Variants in ACVRL1 observed in about 807,000 individuals in gnomAD.
ACVRL1 encodes activin receptor type-1-like.
ACVRL1 carries 20 observed loss-of-function variants against 51.9 expected under a neutral mutation model. That is an observed-to-expected ratio of 0.39 (90% CI 0.27 to 0.56). The LOEUF (loss-of-function observed/expected upper bound fraction) is 0.56, where lower values mean the gene tolerates loss of function less well. Ranked by LOEUF, ACVRL1 falls within the 20% of genes least tolerant of loss-of-function variation. ACVRL1 has a pLI of 0.67. For missense variants in ACVRL1, 451 were observed against 670.3 expected, an observed-to-expected ratio of 0.67 and a Z score of 3.61; for synonymous variants, 288 against 280.9, an observed-to-expected ratio of 1.03 and a Z score of -0.25.
chr12:51,915,672 C>G (rs762138222), intron 7 of ACVRL1, 172 bp downstream of exon 7: 2 of 929,092 alleles, frequency 2.2e-6, no homozygotes, highest in Non-Finnish European at 3.1e-6. Flanking sequence ...CCTTTTCAAA[C>G]CCAGATTCCT....
rs766154423 is a variant in ACVRL1, at chr12:51,913,755, C to T, written c.510C>T (p.Gly170=). 23 of 1,611,508 alleles carry T rather than the reference C, an allele frequency of 1.4e-5. No individual in the cohort carries two copies. The Admixed American group carries it at 2.0e-4, about 14-fold the overall frequency. Residue 170 remains glycine, a synonymous_variant, in exon 4 of 10, where the codon GGC becomes GGT. Coordinates refer to ENST00000388922, the MANE Select transcript of ACVRL1 (RefSeq NM_000020.3). ...TCATCCTGAAAGCATCTGAGCAGGGCGACAGCATGTTGGGGGTATGGGCCT... is the reference window on the plus strand; with the variant it reads ...TCATCCTGAAAGCATCTGAGCAGGGTGACAGCATGTTGGGGGTATGGGCCT... ...SSLILKASEQ[G]DSMLGDLLDS... is the part of the protein sequence containing the mutation.
intron 7 of ACVRL1, 181 bp downstream of exon 7, chr12:51,915,681 C>T: frequency 3.5e-6 from 3 of 865,624 alleles, no homozygotes; most frequent in Non-Finnish European, 5.2e-6. Context: ...ACCCAGATTC[C>T]TTCCACCATA....
intron 1 of ACVRL1, among the ~76,000 whole-genome samples, chr12:51,908,139 T>A (rs994547129): frequency 1.3e-5 from 2 of 152,222 alleles, no homozygotes; most frequent in African/African-American, 4.8e-5. Context: ...CAGCTGTTGC[T>A]TGAGGAATCT....
intron 7 of ACVRL1, 136 bp from the exon 8 acceptor site, chr12:51,915,900 C>G (rs1940826451): frequency 2.1e-6 from 2 of 956,938 alleles, no homozygotes; most frequent in Non-Finnish European, 3.1e-6. Context: ...TGGCCACTGC[C>G]TTCCAGCCCA....
intron 6 of ACVRL1, 55 bp downstream of exon 6, chr12:51,914,640 G>A: frequency 2.5e-6 from 4 of 1,571,612 alleles, no homozygotes; most frequent in East Asian, 4.7e-5. Flanking sequence ...CTGCACTCAG[G>A]GCTCAAGTTT....
chr12:51,920,519 T>G (rs1940948422), intron 9 of ACVRL1, among the ~76,000 whole-genome samples: 1 of 152,144 alleles, frequency 6.6e-6, no homozygotes, highest in Non-Finnish European at 1.5e-5. Context: ...TTTATTTTTT[T>G]GTCATCCTCT....
chr12:51,920,939 T>TGGG lies in ACVRL1; in HGVS notation c.*50_*52dup. On this transcript the variant is annotated 3_prime_UTR_variant, in exon 10 of 10. Transcript: ENST00000388922. ...TTCTGCCTGCAGGGGGCTGGGGGGG[T>TGGG]GGGGGGCAGTGGATGGTGCCCTATC... is the stretch of plus-strand genomic sequence containing the variant. The TGGG allele has an allele frequency of 1.1e-5, 3 of 262,664 alleles. No homozygotes were observed. Among genetic ancestry groups the TGGG allele is most frequent in the Admixed American group, 4.4e-5 (1 of 22,636 alleles). 16.3% of individuals were successfully genotyped at this position (262,664 alleles called of 1,614,324 possible). A position where few individuals can be genotyped will look rare whatever the true frequency, so the allele number is the denominator to read the frequency against.
rs563588804 is a variant in ACVRL1, at chr12:51,907,942, G to A, written c.-6+247G>A. Among the ~76,000 whole-genome samples, 1 of 152,298 alleles carries A rather than the reference G, an allele frequency of 6.6e-6. No individual in the cohort carries two copies. Among genetic ancestry groups the A allele is most frequent in the East Asian group, 1.9e-4 (1 of 5,182 alleles). ...ACTTGGTTCTAGTCGGGTGACCTGG[G>A]GTCAGTGACTTCACTTCTCTGTTCT... is the stretch of plus-strand genomic sequence containing the variant. On this transcript the variant is annotated intron_variant, in intron 1 of 9. Coordinates refer to ENST00000388922, the MANE Select transcript of ACVRL1 (RefSeq NM_000020.3). This position sits in a 1 kb window ranked among gnomAD's most constrained non-coding sequence, Gnocchi z 4.5.
intron 5 of ACVRL1, 84 bp from the exon 6 acceptor site, chr12:51,914,355 A>G: frequency 6.3e-7 from 1 of 1,590,130 alleles, no homozygotes; most frequent in South Asian, 1.1e-5. Flanking sequence ...TGGGCGAGGG[A>G]GGCAGCGCAG....
At position 51,922,911 on chromosome 12, in the gene ACVRL1, T is replaced by G. The variant is rs1275363717; in HGVS notation, c.*2018T>G. ...TCGGAAGAGAACCAGGAAGTGAAAC[T>G]GGGTGAAAACAGAAAGCTCAATGGA... On this transcript the variant is annotated 3_prime_UTR_variant, in exon 10 of 10. Transcript: ENST00000388922. The G allele has an allele frequency of 1.3e-5, 2 of 152,632 alleles. No homozygotes were observed. The highest frequency in any genetic ancestry group is 4.8e-5 in the African/African-American group (2 of 41,428). The allele number at this position is 152,632 out of a possible 1,614,324, so 9.5% of individuals were successfully genotyped here.
rs1940995814 is a variant in ACVRL1 at position 51,922,140 on chromosome 12, T to G, written c.*1247T>G. On this transcript the variant is annotated 3_prime_UTR_variant, in exon 10 of 10. Coordinates refer to ENST00000388922, the MANE Select transcript of ACVRL1 (RefSeq NM_000020.3). Reference sequence around the variant, plus strand: ...TCAGCCTATATCACAGCTAACTTCTTCAGTCTCATCTATTCCTTATGCTCC... The same window carrying G: ...TCAGCCTATATCACAGCTAACTTCTGCAGTCTCATCTATTCCTTATGCTCC... 2 of 152,220 alleles carry G rather than the reference T, an allele frequency of 1.3e-5. No homozygotes were observed. The highest frequency in any genetic ancestry group is 4.8e-5 in the African/African-American group (2 of 41,434). The allele number at this position is 152,220 out of a possible 1,614,324, so 9.4% of individuals were successfully genotyped here.
chr12:51,909,880 T>G (rs547115729), intron 1 of ACVRL1, among the ~76,000 whole-genome samples: 55 of 152,356 alleles, frequency 3.6e-4, no homozygotes, highest in African/African-American at 1.1e-3. Context: ...AGCTAACGTT[T>G]GAAATTAGTT....
rs1284646291 is a variant in ACVRL1 at position 51,917,170 on chromosome 12, G to A, written c.1246+937G>A. Among the ~76,000 whole-genome samples, 1 of 152,160 alleles carries A rather than the reference G, an allele frequency of 6.6e-6. No individual in the cohort carries two copies. The highest frequency in any genetic ancestry group is 1.9e-4 in the East Asian group (1 of 5,196). The stretch of plus-strand genomic sequence containing the variant: ...GAGACGGGGGCACAGAATGACAGTG[G>A]GCTTGAGGCAGCATCAGGGTCCGAA... On this transcript the variant is annotated intron_variant, in intron 8 of 9. Transcript: ENST00000388922. The surrounding 1 kb of genome is among the most constrained non-coding windows in gnomAD (Gnocchi z 4.2).
At chr12:51,918,023 A>C (rs1379007664) in intron 8 of ACVRL1, among the ~76,000 whole-genome samples, 3 of 152,196 alleles carry the variant, frequency 2.0e-5, no homozygotes, top group Non-Finnish European at 4.4e-5. Context: ...CCATGGGGAG[A>C]ACAGCTGGCG....
Position 51,912,526 on chromosome 12 carries a change from G to A in ACVRL1, c.52G>A (p.Val18Met), listed in dbSNP as rs762998725. 4.3e-6 allele frequency: 7 copies of A among 1,613,086 alleles called. No homozygotes were observed. Among genetic ancestry groups the A allele is most frequent in the East Asian group, 4.5e-5 (2 of 44,876 alleles). Reference protein sequence around the residue: ...KGLLMLLMALVTQGDPVKPSR... With the variant: ...KGLLMLLMALMTQGDPVKPSR... ...CCTTCTGATGCTGCTGATGGCCTTG[G>A]TGACCCAGGGTGAGTACTGGGGGAG... The change falls in exon 2 of 10, where the codon GTG (valine) becomes ATG (methionine). Residue 18 changes from valine (V) to methionine (M), a missense_variant. Transcript: ENST00000388922.
At chr12:51,913,893 C>T in intron 4 of ACVRL1, 81 bp from the exon 5 acceptor site, 2 of 1,569,682 alleles carry the variant, frequency 1.3e-6, no homozygotes, top group Non-Finnish European at 1.7e-6. Context: ...TTGCAGTGAC[C>T]CAGCAGGTCC....
At chr12:51,912,430 T>C (rs1302996285) in intron 1 of ACVRL1, 40 bp from the exon 2 acceptor site, 1 of 1,609,878 alleles carries the variant, frequency 6.2e-7, no homozygotes, top group Non-Finnish European at 8.5e-7. Context: ...GCTGTCACAC[T>C]TCATGGCTCT....
chr12:51,916,283 G>A lies in ACVRL1; in HGVS notation c.1246+50G>A, dbSNP rs993232898. On this transcript the variant is annotated intron_variant, in intron 8 of 9. Transcript: ENST00000388922. ...AGGGAAAGGGGAATCAGCCTGTGGA[G>A]CCAGGGGCTTCCAGCCATGGCCAGT... 4.4e-6 allele frequency: 7 copies of A among 1,589,080 alleles called. No individual in the cohort carries two copies. The African/African-American group carries it at 9.4e-5, about 21-fold the overall frequency.
At chr12:51,914,731 ATT>A (rs979159784) in intron 6 of ACVRL1, 146 bp downstream of exon 6, 19 of 306,664 alleles carry the variant, frequency 6.2e-5, no homozygotes, top group Non-Finnish European at 9.6e-5. Flanking sequence ...ATTTAATTTA[ATT>A]TAATTTAATT....
Sources: allele counts gnomAD v4.1 joint callset (sites outside exome capture counted in the v4.1 genomes callset), GRCh38; gene constraint gnomAD v4.1.1; non-coding constraint Gnocchi (gnomAD v3.1); transcripts MANE v1.5; gene names NCBI Gene and HGNC (gene_info 2026-07-23, HGNC 2026-07-21).